TRAF2: variants seen among roughly 807,000 people sequenced by gnomAD.
TRAF2 encodes TNF receptor associated factor 2.
A neutral mutation model predicts 55.6 loss-of-function variants in TRAF2; 6 were observed. The observed-to-expected ratio is 0.11, with a 90% CI of 0.06 to 0.21. The LOEUF (loss-of-function observed/expected upper bound fraction) is 0.21. Among genes scored for constraint, TRAF2 ranks in the 10% least tolerant of loss-of-function variants. TRAF2 has a pLI of 1.00. For missense variants in TRAF2, 561 were observed against 684.5 expected (o/e 0.82, Z 2.01); for synonymous variants, 329 against 276.3 (o/e 1.19, Z -1.89).
chr9:136,918,213 T>A (rs1207674555), intron 7 of TRAF2, among the ~76,000 whole-genome samples: 1 of 143,134 alleles, frequency 7.0e-6, no homozygotes, highest in African/African-American at 2.6e-5. Flanking sequence ...TGTAATTTTT[T>A]TAGAGTGTTT....
chr9:136,925,612 T>C, intron 10 of TRAF2, 71 bp from the exon 11 acceptor site: 3 of 1,519,382 alleles, frequency 2.0e-6, no homozygotes, highest in Non-Finnish European at 1.8e-6. Flanking sequence ...CCTGCCAGTG[T>C]CCAGACCCTC....
At chr9:136,898,592 G>A in intron 1 of TRAF2, 121 bp from the exon 2 acceptor site, 1 of 1,473,434 alleles carries the variant, frequency 6.8e-7, no homozygotes, top group South Asian at 1.4e-5. Flanking sequence ...TCTGAGTCTT[G>A]ACCGCAGGTC....
At chr9:136,924,116 T>C (rs2131336893) in intron 10 of TRAF2, 116 bp downstream of exon 10, 1 of 1,314,364 alleles carries the variant, frequency 7.6e-7, no homozygotes. Flanking sequence ...CTGGACCAGG[T>C]GTCTGCAGCA....
intron 10 of TRAF2, among the ~76,000 whole-genome samples, chr9:136,924,820 A>T (rs1030122139): frequency 1.3e-5 from 2 of 151,314 alleles, no homozygotes; most frequent in Non-Finnish European, 2.9e-5. Flanking sequence ...GCTCACTGCA[A>T]CCTCCCCTCC....
At chr9:136,883,845 T>C (rs1588410677), upstream of TRAF2, among the ~76,000 whole-genome samples, 1 of 144,826 alleles carries the variant, frequency 6.9e-6, no homozygotes, top group South Asian at 2.2e-4. Flanking sequence ...TTTTTTGAGA[T>C]GGATTCTTGC....
intron 9 of TRAF2, 32 bp from the exon 10 acceptor site, chr9:136,923,820 C>A: frequency 6.2e-7 from 1 of 1,608,344 alleles, no homozygotes; most frequent in Non-Finnish European, 8.5e-7. Context: ...TGCTGAGTGT[C>A]AGCTCACCAG....
chr9:136,925,171 T>C (rs1345346587), intron 10 of TRAF2, among the ~76,000 whole-genome samples: 1 of 152,004 alleles, frequency 6.6e-6, no homozygotes, highest in Non-Finnish European at 1.5e-5. Flanking sequence ...GCTAGTGGAG[T>C]AGGCAGAGCA....
At chr9:136,910,046 G>A in intron 6 of TRAF2, 52 bp downstream of exon 6, 1 of 1,577,556 alleles carries the variant, frequency 6.3e-7, no homozygotes. Context: ...CCATGTGTTG[G>A]ACGTGAGGGT....
At chr9:136,881,973 T>G, upstream of TRAF2, 2 of 985,270 alleles carry the variant, frequency 2.0e-6, no homozygotes, top group Non-Finnish European at 2.4e-6. Context: ...AGGGCTGACA[T>G]GCAAACGTCT....
chr9:136,925,314 C>T (rs1265934095), intron 10 of TRAF2, among the ~76,000 whole-genome samples: 1 of 152,160 alleles, frequency 6.6e-6, no homozygotes, highest in African/African-American at 2.4e-5. Context: ...GCAGTGGGTG[C>T]TTCATGATCT....
chr9:136,925,623 G>T, intron 10 of TRAF2, 60 bp from the exon 11 acceptor site: 2 of 1,565,786 alleles, frequency 1.3e-6, no homozygotes, highest in Middle Eastern at 1.8e-4. Context: ...CCAGACCCTC[G>T]GGAGCCAGAG....
At chr9:136,898,643 C>T (rs1377651452) in intron 1 of TRAF2, 70 bp from the exon 2 acceptor site, 2 of 1,580,836 alleles carry the variant, frequency 1.3e-6, no homozygotes, top group Admixed American at 3.4e-5. Context: ...CTACTGATCA[C>T]CATTGGTTTG....
chr9:136,919,297 T>TC (rs1564420110), intron 7 of TRAF2, among the ~76,000 whole-genome samples: 2 of 140,552 alleles, frequency 1.4e-5, no homozygotes, highest in Admixed American at 1.4e-4. Context: ...GTGGGTGGCT[T>TC]TTTTTTTTTT....
intron 6 of TRAF2, among the ~76,000 whole-genome samples, chr9:136,910,267 G>A (rs950869634): frequency 1.3e-5 from 2 of 152,312 alleles, no homozygotes; most frequent in Non-Finnish European, 2.9e-5. Flanking sequence ...TAGTTATCCT[G>A]AAAATGAAAC....
At chr9:136,920,901 C>A in intron 8 of TRAF2, 137 bp from the exon 9 acceptor site, 1 of 1,080,216 alleles carries the variant, frequency 9.3e-7, no homozygotes, top group Non-Finnish European at 1.3e-6. Context: ...TTCTTGTGTG[C>A]AGGGAGTGGA....
intron 4 of TRAF2, among the ~76,000 whole-genome samples, chr9:136,901,384 A>G (rs558380396): frequency 7.2e-5 from 11 of 152,328 alleles, no homozygotes; most frequent in African/African-American, 2.6e-4. Flanking sequence ...GAATGGATAA[A>G]CACGGGAAGT....
intron 6 of TRAF2, among the ~76,000 whole-genome samples, chr9:136,915,522 G>C (rs1046284550): frequency 6.6e-6 from 1 of 152,104 alleles, no homozygotes; most frequent in Admixed American, 6.6e-5. Context: ...TTGACACAGC[G>C]TTCACGTTGT....
chr9:136,925,461 C>A (rs896999769), intron 10 of TRAF2, among the ~76,000 whole-genome samples: 2 of 152,188 alleles, frequency 1.3e-5, no homozygotes, highest in African/African-American at 4.8e-5. Flanking sequence ...GACACAGATT[C>A]CCCAGAGAGA....
chr9:136,914,504 G>A (rs1361748441), intron 6 of TRAF2, among the ~76,000 whole-genome samples: 1 of 152,196 alleles, frequency 6.6e-6, no homozygotes, highest in Non-Finnish European at 1.5e-5. Flanking sequence ...TCTTCCCGCA[G>A]CCCAGTGTTT....
Sources: allele counts gnomAD v4.1 joint callset (sites outside exome capture counted in the v4.1 genomes callset), GRCh38; gene constraint gnomAD v4.1.1; transcripts MANE v1.5; gene names NCBI Gene and HGNC (gene_info 2026-07-23, HGNC 2026-07-21).